Variants in UBE2E2 observed in about 807,000 individuals in gnomAD.
The protein encoded by UBE2E2 is ubiquitin conjugating enzyme E2 E2.
In UBE2E2, 6 loss-of-function variants were observed where a neutral mutation model predicts 24.7. The observed-to-expected ratio is 0.24, with a 90% CI of 0.13 to 0.48. The LOEUF is 0.48. Among genes scored for constraint, UBE2E2 ranks in the 20% least tolerant of loss-of-function variants. The pLI is 0.99. For synonymous variants in UBE2E2, 104 were observed against 83.6 expected, an observed-to-expected ratio of 1.24 and a Z score of -1.33; for missense variants, 169 against 245.0, an observed-to-expected ratio of 0.69 and a Z score of 2.07.
chr3:23,574,975 G>A (rs549456694), intron 5 of UBE2E2, among the ~76,000 whole-genome samples: 16 of 152,196 alleles, frequency 1.1e-4, no homozygotes, highest in African/African-American at 3.9e-4. Context: ...ACTCTCAAAG[G>A]AAATGCGCAT....
At position 23,435,583 on chromosome 3, in the gene UBE2E2, G is replaced by A. The variant is rs527684672; in HGVS notation, c.228-64025G>A. Among the ~76,000 whole-genome samples the A allele has an allele frequency of 4.3e-4, 66 of 152,326 alleles. No individual in the cohort carries two copies. In the Middle Eastern group the frequency reaches 0.01, roughly 24 times the overall value. On this transcript the variant is annotated intron_variant, in intron 3 of 5. Coordinates refer to ENST00000396703, the MANE Select transcript of UBE2E2 (RefSeq NM_152653.4). Reference sequence around the variant, plus strand: ...GCCTCAAGTGGGGTCACGTGGAGTTGCACTTGGGAACAGAGTAAACAACTA... The same window carrying A: ...GCCTCAAGTGGGGTCACGTGGAGTTACACTTGGGAACAGAGTAAACAACTA...
chr3:23,291,490 C>T (rs1390152506), intron 3 of UBE2E2, among the ~76,000 whole-genome samples: 1 of 152,064 alleles, frequency 6.6e-6, no homozygotes, highest in Non-Finnish European at 1.5e-5. Context: ...ATTTGTTACT[C>T]AGTAGGTTTA....
chr3:23,469,257 C>A (rs1698984461), intron 3 of UBE2E2, among the ~76,000 whole-genome samples: 1 of 152,168 alleles, frequency 6.6e-6, no homozygotes, highest in African/African-American at 2.4e-5. Flanking sequence ...TTAAACATAT[C>A]AATTTGTGGG....
intron 3 of UBE2E2, among the ~76,000 whole-genome samples, chr3:23,498,799 C>T (rs1163261437): frequency 6.6e-6 from 1 of 152,080 alleles, no homozygotes; most frequent in Non-Finnish European, 1.5e-5. Context: ...TTAGCTAAAT[C>T]CTAATCTCAT....
chr3:23,492,305 A>G (rs1014710247), intron 3 of UBE2E2, among the ~76,000 whole-genome samples: 17 of 152,222 alleles, frequency 1.1e-4, no homozygotes, highest in Admixed American at 1.3e-4. Flanking sequence ...ATTCAGTTAC[A>G]TGGACTCTGC....
At chr3:23,434,425 T>C (rs1698138215) in intron 3 of UBE2E2, among the ~76,000 whole-genome samples, 1 of 152,140 alleles carries the variant, frequency 6.6e-6, no homozygotes, top group South Asian at 2.1e-4. Context: ...GCATTAGCTC[T>C]ACTTAACTAG....
intron 5 of UBE2E2, among the ~76,000 whole-genome samples, chr3:23,585,322 G>A (rs1046831957): frequency 2.9e-5 from 4 of 138,244 alleles, no homozygotes; most frequent in Non-Finnish European, 4.5e-5. Context: ...AGTGAGCTAT[G>A]ATCCCACCAC....
At chr3:23,231,257 A>G (rs1244864613) in intron 3 of UBE2E2, among the ~76,000 whole-genome samples, 4 of 152,070 alleles carry the variant, frequency 2.6e-5, no homozygotes, top group African/African-American at 4.8e-5. Flanking sequence ...TAATTTATAT[A>G]CTTCATTGGC....
intron 5 of UBE2E2, among the ~76,000 whole-genome samples, chr3:23,582,894 T>TGTGTGTGTGG (rs1553622746): frequency 5.0e-4 from 57 of 112,882 alleles, no homozygotes; most frequent in Non-Finnish European, 7.5e-4. Context: ...TGTGTGTGTG[T>TGTGTGTGTGG]TGTGTGTTTG....
At chr3:23,323,241 T>A (rs1162959026) in intron 3 of UBE2E2, among the ~76,000 whole-genome samples, 4 of 152,100 alleles carry the variant, frequency 2.6e-5, no homozygotes, top group Non-Finnish European at 5.9e-5. Context: ...AAGAATCAGG[T>A]TTGGTGTTTA....
intron 3 of UBE2E2, among the ~76,000 whole-genome samples, chr3:23,339,783 T>C (rs1233171848): frequency 6.6e-6 from 1 of 152,118 alleles, no homozygotes; most frequent in Non-Finnish European, 1.5e-5. Flanking sequence ...GTTAGCAAGA[T>C]GTGTCTTTAA....
chr3:23,279,717 G>A (rs1467178486), intron 3 of UBE2E2, among the ~76,000 whole-genome samples: 1 of 152,208 alleles, frequency 6.6e-6, no homozygotes, highest in Non-Finnish European at 1.5e-5. Flanking sequence ...GACCCCCAAG[G>A]TGGGGGTGTT....
rs761655438 is a variant in UBE2E2 at position 23,208,689 on chromosome 3, C to T, written c.-8-3C>T. The T allele has an allele frequency of 3.4e-5, 54 of 1,587,364 alleles. 2 individuals carry two copies. In the African/African-American group the frequency reaches 3.9e-4, roughly 12 times the overall value. On this transcript the variant is annotated splice_region_variant and splice_polypyrimidine_tract_variant and intron_variant, in intron 1 of 5. Coordinates refer to ENST00000396703, the MANE Select transcript of UBE2E2 (RefSeq NM_152653.4). ...ATAAATGATTTTTGATTCTTTAATC[C>T]AGGATCTAAAATGTCCACTGAGGCA...
chr3:23,470,689 C>T (rs1699015823), intron 3 of UBE2E2, among the ~76,000 whole-genome samples: 1 of 151,998 alleles, frequency 6.6e-6, no homozygotes, highest in Non-Finnish European at 1.5e-5. Flanking sequence ...CTTCTGGCAG[C>T]AGATAGTAAA....
At chr3:23,272,304 G>A (rs990053355) in intron 3 of UBE2E2, among the ~76,000 whole-genome samples, 1 of 149,082 alleles carries the variant, frequency 6.7e-6, no homozygotes, top group Non-Finnish European at 1.5e-5. Context: ...CTGAGTGTGG[G>A]GCCTGCCAAG....
chr3:23,240,570 G>A (rs9809176), intron 3 of UBE2E2, among the ~76,000 whole-genome samples: 91,924 of 152,080 alleles, frequency 0.6, 28,327 homozygotes, highest in South Asian at 0.68. Context: ...CAGCCACACT[G>A]TTTATGCCAT....
chr3:23,336,869 G>T (rs922970524), intron 3 of UBE2E2, among the ~76,000 whole-genome samples: 1 of 152,148 alleles, frequency 6.6e-6, no homozygotes, highest in African/African-American at 2.4e-5. Context: ...GCCGGGTGCG[G>T]TGTTGCATGC....
At chr3:23,266,942 T>C (rs1698065497) in intron 3 of UBE2E2, among the ~76,000 whole-genome samples, 1 of 152,028 alleles carries the variant, frequency 6.6e-6, no homozygotes, top group Non-Finnish European at 1.5e-5. Flanking sequence ...AACAACCTGC[T>C]CCTGAATGAC....
At chr3:23,301,890 A>T (rs1446584758) in intron 3 of UBE2E2, among the ~76,000 whole-genome samples, 1 of 140,568 alleles carries the variant, frequency 7.1e-6, no homozygotes, top group African/African-American at 3.3e-5. Flanking sequence ...CTATTCGGCC[A>T]TCTTGGCTCC....
Sources: gnomAD v4.1 joint callset for allele counts (sites outside exome capture counted in the v4.1 genomes callset) on GRCh38, gnomAD v4.1.1 for gene constraint, MANE v1.5 for transcripts, NCBI Gene and HGNC (gene_info 2026-07-23, HGNC 2026-07-21) for gene names.